The following SHANK2 variants were observed in gnomAD, a reference collection of about 807,000 sequenced individuals.
The protein encoded by SHANK2 is SH3 and multiple ankyrin repeat domains protein 2.
In SHANK2, 43 loss-of-function variants were observed where a neutral mutation model predicts 133.7. That is an observed-to-expected ratio of 0.32 (90% CI 0.25 to 0.41). The LOEUF is 0.41. Among genes scored for constraint, SHANK2 ranks in the 10% least tolerant of loss-of-function variants. SHANK2 has a pLI of 1.00. For missense variants in SHANK2, 1,994 were observed against 2,235.8 expected (o/e 0.89, Z 2.18); for synonymous variants, 1,017 against 952.8 (o/e 1.07, Z -1.24).
At chr11:70,710,872 G>A (rs552414907) in intron 14 of SHANK2, among the ~76,000 whole-genome samples, 6 of 152,342 alleles carry the variant, frequency 3.9e-5, no homozygotes, top group East Asian at 1.9e-4. Flanking sequence ...GAGCAGACAC[G>A]CCTGTGGTCA....
chr11:71,060,470 G>A (rs1161423018), intron 9 of SHANK2, among the ~76,000 whole-genome samples: 5 of 152,378 alleles, frequency 3.3e-5, no homozygotes, highest in Non-Finnish European at 5.9e-5. Flanking sequence ...AAGGGGGGAC[G>A]CCAAGCCCTA....
At chr11:70,752,421 T>TA (rs1368193925) in intron 14 of SHANK2, among the ~76,000 whole-genome samples, 3 of 152,092 alleles carry the variant, frequency 2.0e-5, no homozygotes, top group Admixed American at 6.5e-5. Context: ...GAATAATGAT[T>TA]AAAAAAAATC....
At chr11:70,822,861 G>T (rs56087571) in intron 11 of SHANK2, among the ~76,000 whole-genome samples, 4 of 68,638 alleles carry the variant, frequency 5.8e-5, no homozygotes, top group African/African-American at 6.1e-5. Context: ...GTTGGCAGAG[G>T]TCACGGGGGG....
intron 2 of SHANK2, among the ~76,000 whole-genome samples, chr11:71,205,625 T>C (rs1387573748): frequency 1.3e-5 from 2 of 152,142 alleles, no homozygotes; most frequent in Non-Finnish European, 2.9e-5. Flanking sequence ...ATTTCCAAGA[T>C]GTCAGGGAAG....
chr11:70,861,567 T>A (rs1019236494), intron 11 of SHANK2, among the ~76,000 whole-genome samples: 1 of 152,242 alleles, frequency 6.6e-6, no homozygotes, highest in Non-Finnish European at 1.5e-5. Context: ...GGGTTAATTT[T>A]TTTTTTAAAC....
chr11:70,794,635 G>A (rs1947869359), intron 14 of SHANK2, among the ~76,000 whole-genome samples: 1 of 152,184 alleles, frequency 6.6e-6, no homozygotes, highest in African/African-American at 2.4e-5. Context: ...TTGGCTCACT[G>A]CAACCTCCAC....
intron 14 of SHANK2, among the ~76,000 whole-genome samples, chr11:70,710,884 G>A (rs1019435480): frequency 3.3e-5 from 5 of 152,230 alleles, no homozygotes; most frequent in Admixed American, 2.6e-4. Context: ...CTGTGGTCAC[G>A]GGTTCTGCAG....
chr11:71,239,609 C>A (rs1472921020), intron 1 of SHANK2, among the ~76,000 whole-genome samples: 1 of 151,940 alleles, frequency 6.6e-6, no homozygotes, highest in African/African-American at 2.4e-5. Context: ...TACAGGCACA[C>A]ACCACCATGC....
intron 6 of SHANK2, among the ~76,000 whole-genome samples, chr11:71,101,031 G>A (rs1951708819): frequency 6.6e-6 from 1 of 152,140 alleles, no homozygotes; most frequent in Non-Finnish European, 1.5e-5. Flanking sequence ...AGGACAAGAT[G>A]CATCTGTCCA....
At chr11:70,844,154 A>AG (rs1555062533) in intron 11 of SHANK2, among the ~76,000 whole-genome samples, 1 of 152,178 alleles carries the variant, frequency 6.6e-6, no homozygotes, top group African/African-American at 2.4e-5. Flanking sequence ...TCTGGACAGG[A>AG]GGACTCTTCT....
intron 15 of SHANK2, among the ~76,000 whole-genome samples, chr11:70,684,756 GT>G (rs1945110017): frequency 6.6e-6 from 1 of 151,816 alleles, no homozygotes; most frequent in Non-Finnish European, 1.5e-5. Flanking sequence ...GCCAGGGACA[GT>G]GCCCCTGGCC....
chr11:70,934,389 G>A (rs532684462), intron 10 of SHANK2, among the ~76,000 whole-genome samples: 1 of 152,228 alleles, frequency 6.6e-6, no homozygotes, highest in African/African-American at 2.4e-5. Flanking sequence ...TGCTTCTCAG[G>A]CCGCCTCTGC....
chr11:70,845,232 A>G (rs1469864146), intron 11 of SHANK2, among the ~76,000 whole-genome samples: 1 of 151,674 alleles, frequency 6.6e-6, no homozygotes, highest in Admixed American at 6.6e-5. Context: ...AAAAGAAAGA[A>G]AGAAAAGAAA....
intron 1 of SHANK2, among the ~76,000 whole-genome samples, chr11:71,231,045 A>T (rs1299619470): frequency 6.6e-6 from 1 of 152,250 alleles, no homozygotes; most frequent in African/African-American, 2.4e-5. Context: ...AGCACAATCC[A>T]CATACAAAAA....
At chr11:70,822,728 C>A (rs112629372) in intron 11 of SHANK2, among the ~76,000 whole-genome samples, 3 of 88,490 alleles carry the variant, frequency 3.4e-5, no homozygotes, top group African/African-American at 1.4e-4. Context: ...AGAGGTGGCG[C>A]TGGCAGAGGT....
chr11:70,492,791 T>G (rs1179934840), intron 21 of SHANK2, among the ~76,000 whole-genome samples: 2 of 136,690 alleles, frequency 1.5e-5, no homozygotes, highest in South Asian at 2.7e-4. Flanking sequence ...TTCTGTGTTT[T>G]TTTTTTTTTT....
chr11:70,652,014 C>A (rs1555010257), intron 17 of SHANK2, among the ~76,000 whole-genome samples: 1 of 152,244 alleles, frequency 6.6e-6, no homozygotes, highest in African/African-American at 2.4e-5. Context: ...TGTGGCTGAA[C>A]CACTAAACCC....
At chr11:71,213,384 C>T (rs1954326751) in intron 2 of SHANK2, among the ~76,000 whole-genome samples, 1 of 152,192 alleles carries the variant, frequency 6.6e-6, no homozygotes, top group African/African-American at 2.4e-5. Flanking sequence ...TTTCACTATC[C>T]TAAATAGTGC....
chr11:71,216,830 A>G (rs149843452), intron 2 of SHANK2, among the ~76,000 whole-genome samples: 199 of 152,352 alleles, frequency 1.3e-3, no homozygotes, highest in Admixed American at 2.5e-3. Flanking sequence ...CATAGTACTC[A>G]ATAATAAGAA....
Sources: allele counts gnomAD v4.1 joint callset (sites outside exome capture counted in the v4.1 genomes callset), GRCh38; gene constraint gnomAD v4.1.1; transcripts MANE v1.5; gene names NCBI Gene and HGNC (gene_info 2026-07-23, HGNC 2026-07-21).